The following REXO5 variants were observed in gnomAD, a reference collection of about 807,000 sequenced individuals.
The protein encoded by REXO5 is exonuclease NEF-sp.
Under a neutral mutation model 88.5 loss-of-function variants are expected in REXO5, and 48 were observed. The ratio of observed to expected loss-of-function variants is 0.54; its 90% CI spans 0.43 to 0.69. The LOEUF (loss-of-function observed/expected upper bound fraction) is 0.69. Among genes scored for constraint, REXO5 ranks in the 30% least tolerant of loss-of-function variants. REXO5 has a pLI of 0.00. For missense variants in REXO5, 749 were observed against 912.2 expected (o/e 0.82, Z 2.30); for synonymous variants, 311 against 336.5 (o/e 0.92, Z 0.83).
chr16:20,825,040 C>G (rs914307957), intron 7 of REXO5, among the ~76,000 whole-genome samples: 1 of 152,040 alleles, frequency 6.6e-6, no homozygotes, highest in Non-Finnish European at 1.5e-5. Flanking sequence ...CAACTAGTTA[C>G]TATGTTTAAT....
chr16:20,807,970 G>A (rs920484334), intron 2 of REXO5, among the ~76,000 whole-genome samples: 3 of 152,164 alleles, frequency 2.0e-5, no homozygotes, highest in Non-Finnish European at 4.4e-5. Flanking sequence ...AGCAGCAGGA[G>A]GTGAGCGGTG....
intron 11 of REXO5, among the ~76,000 whole-genome samples, chr16:20,829,093 A>G (rs1243657066): frequency 1.3e-5 from 2 of 152,210 alleles, no homozygotes; most frequent in African/African-American, 4.8e-5. Flanking sequence ...AGTTGGGCTT[A>G]TCTGTTTTAA....
chr16:20,838,962 G>T lies in REXO5; in HGVS notation c.1384-793G>T, dbSNP rs1596606825. On this transcript the variant is annotated intron_variant, in intron 13 of 19. Coordinates refer to ENST00000261377, the MANE Select transcript of REXO5 (RefSeq NM_030941.3). ...GGAAACCCTTCTTGGTTTCATGCTG[G>T]TCTAGGTGCTATATAGTTTCTCATG... is the stretch of plus-strand genomic sequence containing the variant. 2.6e-5 allele frequency among the ~76,000 whole-genome samples: 4 copies of T among 152,260 alleles called. 1 individual carries two copies. In the Middle Eastern group the frequency reaches 0.014, roughly 518 times the overall value.
chr16:20,817,311 TG>T (rs1173374256), intron 5 of REXO5, among the ~76,000 whole-genome samples: 1 of 152,266 alleles, frequency 6.6e-6, no homozygotes, highest in Non-Finnish European at 1.5e-5. Flanking sequence ...TGATTTGCAC[TG>T]TATTTTAAAC....
Position 20,821,839 on chromosome 16 carries a change from G to C in REXO5, c.553G>C (p.Val185Leu). Reference protein sequence around the residue: ...PIIQKYGSKKVGLTRCLLTKE... With the variant: ...PIIQKYGSKKLGLTRCLLTKE... ...CATTCAAAAGTATGGCTCTAAGAAAGTGGGCTTGACCAGATGCCTTCTGAC... is the reference window on the plus strand; with the variant it reads ...CATTCAAAAGTATGGCTCTAAGAAACTGGGCTTGACCAGATGCCTTCTGAC... The change falls in exon 6 of 20, where the codon GTG becomes CTG. Residue 185 changes from valine (V) to leucine (L), a missense_variant. Val to Leu is a conservative substitution (Grantham distance 32, BLOSUM62 1). Transcript: ENST00000261377. 1 of 1,608,430 alleles carries C rather than the reference G, an allele frequency of 6.2e-7. No individual in the cohort carries two copies. Among genetic ancestry groups the C allele is most frequent in the Non-Finnish European group, 8.5e-7 (1 of 1,178,382 alleles).
At chr16:20,846,725 T>C (rs902610559) in intron 19 of REXO5, among the ~76,000 whole-genome samples, 1 of 152,168 alleles carries the variant, frequency 6.6e-6, no homozygotes, top group African/African-American at 2.4e-5. Context: ...CTTTTCCCCA[T>C]TGACACCTAT....
intron 15 of REXO5, 50 bp from the exon 16 acceptor site, chr16:20,843,884 A>T: frequency 7.6e-7 from 1 of 1,319,762 alleles, no homozygotes; most frequent in Non-Finnish European, 1.1e-6. Flanking sequence ...CCCCTTCTTT[A>T]GCAGTTTGAG....
chr16:20,839,000 TTC>T, intron 13 of REXO5, among the ~76,000 whole-genome samples: 1 of 152,316 alleles, frequency 6.6e-6, no homozygotes, highest in East Asian at 1.9e-4. Context: ...ATCTCTACAG[TTC>T]TCTCAAAGGT....
intron 15 of REXO5, among the ~76,000 whole-genome samples, chr16:20,843,028 G>A (rs2081554220): frequency 6.6e-6 from 1 of 152,156 alleles, no homozygotes; most frequent in East Asian, 1.9e-4. Context: ...TTTAATAGTA[G>A]CCATCCTAAT....
rs996610012 is a variant in REXO5, at chr16:20,839,797, A to T, written c.1426A>T (p.Ser476Cys). The change falls in exon 14 of 20, where the codon AGC becomes TGC. Residue 476 changes from serine (S) to cysteine (C), a missense_variant. By Grantham distance (112) the Ser-to-Cys change is moderately radical. Coordinates refer to ENST00000261377, the MANE Select transcript of REXO5 (RefSeq NM_030941.3). ...ARVEIPLFPF[S>C]IVQFSFKAFS... ...AGTGGAAATCCCCCTGTTTCCCTTCAGCATTGTTCAGTTCTCTTTTAAGGC... is the reference window on the plus strand; with the variant it reads ...AGTGGAAATCCCCCTGTTTCCCTTCTGCATTGTTCAGTTCTCTTTTAAGGC... 2 of 1,613,864 alleles carry T rather than the reference A, an allele frequency of 1.2e-6. No individual in the cohort carries two copies. Among genetic ancestry groups the T allele is most frequent in the Non-Finnish European group, 1.7e-6 (2 of 1,179,892 alleles).
At chr16:20,831,342 G>A (rs1338840392) in intron 11 of REXO5, among the ~76,000 whole-genome samples, 1 of 152,034 alleles carries the variant, frequency 6.6e-6, no homozygotes, top group Non-Finnish European at 1.5e-5. Flanking sequence ...GGAAACCCCA[G>A]GATTCTCAAA....
chr16:20,836,320 T>C (rs771716567), intron 13 of REXO5, among the ~76,000 whole-genome samples: 3 of 152,240 alleles, frequency 2.0e-5, no homozygotes, highest in Non-Finnish European at 4.4e-5. Flanking sequence ...CCACTGATTT[T>C]TTTTTTACTG....
chr16:20,832,074 G>A (rs1180228073), intron 11 of REXO5, 82 bp from the exon 12 acceptor site: 5 of 965,920 alleles, frequency 5.2e-6, no homozygotes, highest in East Asian at 2.5e-5. Context: ...GCTTTTTGTT[G>A]TTGTTGCTTT....
chr16:20,810,284 T>C (rs1346914839), intron 2 of REXO5, among the ~76,000 whole-genome samples: 1 of 152,214 alleles, frequency 6.6e-6, no homozygotes, highest in Non-Finnish European at 1.5e-5. Flanking sequence ...TGAAAGTGTA[T>C]ACACACACAC....
intron 2 of REXO5, among the ~76,000 whole-genome samples, chr16:20,811,565 A>C (rs776815633): frequency 1.3e-5 from 2 of 152,172 alleles, no homozygotes; most frequent in Non-Finnish European, 2.9e-5. Flanking sequence ...TCAAAAAAGA[A>C]TGATTGATAA....
chr16:20,813,666 A>G (rs948711105), intron 3 of REXO5, among the ~76,000 whole-genome samples: 1 of 152,196 alleles, frequency 6.6e-6, no homozygotes, highest in Non-Finnish European at 1.5e-5. Flanking sequence ...TCTGGCTACT[A>G]TAGATATTTT....
intron 15 of REXO5, among the ~76,000 whole-genome samples, chr16:20,842,961 C>G (rs1374305453): frequency 1.3e-5 from 2 of 152,192 alleles, no homozygotes; most frequent in Non-Finnish European, 2.9e-5. Context: ...TTCCTACCAG[C>G]AAAGAACAAA....
chr16:20,813,135 G>A (rs1596566837), intron 2 of REXO5, 55 bp from the exon 3 acceptor site: 1 of 1,143,948 alleles, frequency 8.7e-7, no homozygotes, highest in Non-Finnish European at 1.3e-6. Flanking sequence ...AACTTGCTTT[G>A]TTGGTATTCT....
At chr16:20,814,885 A>G in intron 3 of REXO5, 42 bp from the exon 4 acceptor site, 1 of 1,580,048 alleles carries the variant, frequency 6.3e-7, no homozygotes, top group Non-Finnish European at 8.6e-7. Flanking sequence ...TAACTGACTT[A>G]AGGCCATCTG....
Sources: gnomAD v4.1 joint callset for allele counts (sites outside exome capture counted in the v4.1 genomes callset) on GRCh38, gnomAD v4.1.1 for gene constraint, MANE v1.5 for transcripts, NCBI Gene and HGNC (gene_info 2026-07-23, HGNC 2026-07-21) for gene names.